The following KDM4F variants were observed in gnomAD, a reference collection of about 807,000 sequenced individuals.
KDM4F encodes lysine demethylase 4F.
For missense variants in KDM4F, 586 were observed against 496.4 expected (o/e 1.18, Z -1.71); for synonymous variants, 223 against 184.4 (o/e 1.21, Z -1.70).
chr11:95,050,653 A>G, exon 1 of KDM4F: 2 of 620,482 alleles, frequency 3.2e-6, no homozygotes, highest in Non-Finnish European at 2.9e-6. Context: ...CAAGCCCTGG[A>G]GACGTCAGCC....
exon 1 of KDM4F, chr11:95,049,941 A>G: frequency 6.2e-7 from 1 of 1,614,154 alleles, no homozygotes; most frequent in Non-Finnish European, 8.5e-7. Context: ...GGGTGTCAAC[A>G]CACCCTACCT....
exon 1 of KDM4F, chr11:95,050,105 C>G (rs1555105368): frequency 1.3e-6 from 2 of 1,579,458 alleles, no homozygotes; most frequent in Non-Finnish European, 1.7e-6. Flanking sequence ...GGGAGCTCTT[C>G]CCAGGCAATT....
exon 1 of KDM4F, chr11:95,049,547 A>G (rs1490540858): frequency 1.3e-6 from 2 of 1,596,058 alleles, no homozygotes; most frequent in African/African-American, 1.3e-5. Context: ...GCGCACACCG[A>G]GCTGGCCTCG....
In KDM4F at chr11:95,051,077, G is replaced by A. The variant is rs1858507193; in HGVS notation, c.1656G>A (p.Val552=). The A allele has an allele frequency of 1.2e-5, 5 of 411,000 alleles. No individual in the cohort carries two copies. In the South Asian group the frequency reaches 3.4e-4, roughly 28 times the overall value. 25.5% of individuals were successfully genotyped at this position (411,000 alleles called of 1,614,324 possible). Residue 552 remains valine, a synonymous_variant, in exon 1 of 1, where the codon GTG becomes GTA. Transcript: ENST00000545950. The stretch of plus-strand genomic sequence containing the variant: ...CTATGACTCCTCCCAGTGTCACTGT[G>A]CCTTTGATTACATTGTCCAGGGACA...
In KDM4F at chr11:95,050,052, G is replaced by T. The variant is rs1291544403; in HGVS notation, c.631G>T (p.Val211Leu). 3 of 1,604,594 alleles carry T rather than the reference G, an allele frequency of 1.9e-6. No homozygotes were observed. The East Asian group carries it at 6.7e-5, about 36-fold the overall frequency. The change falls in exon 1 of 1, where the codon GTG (valine) becomes TTG (leucine). Residue 211 changes from valine (V) to leucine (L), a missense_variant. By Grantham distance (32) the Val-to-Leu change is conservative (BLOSUM62 1). Coordinates refer to ENST00000545950, the Ensembl canonical transcript of KDM4F. ...CTTTGGGGAGCCCAAAACTTGGTACGTGGTGCCCCCAGAACATGGTCAGCG... is the reference window on the plus strand; with the variant it reads ...CTTTGGGGAGCCCAAAACTTGGTACTTGGTGCCCCCAGAACATGGTCAGCG...
chr11:95,050,077 G>C (rs531008688), exon 1 of KDM4F: 3 of 1,591,496 alleles, frequency 1.9e-6, no homozygotes, highest in Non-Finnish European at 1.7e-6. Context: ...CATGGTCAGC[G>C]CCTGGAATGC....
exon 1 of KDM4F, chr11:95,050,704 G>C (rs782394959): frequency 1.6e-6 from 1 of 628,926 alleles, no homozygotes; most frequent in Admixed American, 2.6e-5. Context: ...GGTCCTTGTC[G>C]TGGCTGTGGT....
At chr11:95,051,141 G>A (rs1292194625) in exon 1 of KDM4F, 1 of 400,354 alleles carries the variant, frequency 2.5e-6, no homozygotes, top group Non-Finnish European at 4.4e-6. Context: ...TCTGGCCAAG[G>A]TTGTAGCAAT....
At chr11:95,049,748 T>G (rs2134139509) in exon 1 of KDM4F, 1 of 1,604,902 alleles carries the variant, frequency 6.2e-7, no homozygotes, top group East Asian at 2.2e-5. Flanking sequence ...AATATCAGAC[T>G]CCGCCACACC....
rs1207941693 is a variant in KDM4F, at chr11:95,050,746, G to T, written c.1325G>T (p.Arg442Leu). The T allele has an allele frequency of 1.1e-5, 7 of 647,218 alleles. No individual in the cohort carries two copies. The East Asian group carries it at 1.9e-4, about 18-fold the overall frequency. 40.1% of individuals were successfully genotyped at this position (647,218 alleles called of 1,614,324 possible). ...CGAGGTCGTGGTCGAGGCCGTGGTC[G>T]TCGTCCTCGAGAACTGGGGACTGAG... The change falls in exon 1 of 1, where the codon CGT (arginine) becomes CTT (leucine). Residue 442 changes from arginine to leucine, a missense_variant. Transcript: ENST00000545950.
exon 1 of KDM4F, chr11:95,050,506 T>C (rs1208975774): frequency 1.1e-5 from 8 of 714,624 alleles, no homozygotes; most frequent in Non-Finnish European, 1.8e-5. Context: ...AGGGAGGACA[T>C]AGCACTTAGG....
chr11:95,051,332 C>A, exon 1 of KDM4F: 2 of 398,608 alleles, frequency 5.0e-6, no homozygotes, highest in South Asian at 2.6e-4. Flanking sequence ...TGTCAAATGT[C>A]AAGTGATATC....
exon 1 of KDM4F, chr11:95,051,162 T>C: frequency 2.5e-6 from 1 of 399,654 alleles, no homozygotes; most frequent in Admixed American, 4.4e-5. Context: ...GGACCATTCT[T>C]ATGCCTCTAG....
At chr11:95,051,075 G>A (rs1255237411) in exon 1 of KDM4F, 2 of 411,482 alleles carry the variant, frequency 4.9e-6, no homozygotes, top group Non-Finnish European at 8.5e-6. Flanking sequence ...CAGTGTCACT[G>A]TGCCTTTGAT....
exon 1 of KDM4F, chr11:95,049,901 G>C (rs1245921335): frequency 1.6e-5 from 25 of 1,611,200 alleles, no homozygotes; most frequent in Non-Finnish European, 2.0e-5. Context: ...TTCTGGACCT[G>C]TTGGAGCAGG....
chr11:95,050,399 AC>A, the KDM4F span: 1 of 894,358 alleles, frequency 1.1e-6, no homozygotes, highest in Admixed American at 1.7e-5. Flanking sequence ...GCATCCTGCA[AC>A]CCGAGAGCTA....
chr11:95,049,565 A>G, exon 1 of KDM4F: 1 of 1,597,592 alleles, frequency 6.3e-7, no homozygotes, highest in Non-Finnish European at 8.5e-7. Flanking sequence ...TCGCCAAGGT[A>G]ATTCCACCCA....
exon 1 of KDM4F, chr11:95,051,238 C>T (rs1353404608): frequency 1.0e-5 from 4 of 398,646 alleles, no homozygotes; most frequent in South Asian, 1.3e-4. Context: ...GGGGCTAAAG[C>T]CAGACAGAGA....
At chr11:95,050,449 A>C in exon 1 of KDM4F, 1 of 786,222 alleles carries the variant, frequency 1.3e-6, no homozygotes, top group Non-Finnish European at 2.2e-6. Flanking sequence ...ACTGTTGTGG[A>C]TTACATGGAG....
Sources: allele counts gnomAD v4.1 joint callset, GRCh38; gene constraint gnomAD v4.1.1; transcripts MANE v1.5; gene names NCBI Gene and HGNC (gene_info 2026-07-23, HGNC 2026-07-21).